The following CD109 variants were observed in gnomAD, a reference collection of about 807,000 sequenced individuals.
The protein encoded by CD109 is CD109 antigen.
In CD109, 149 loss-of-function variants were observed where a neutral mutation model predicts 165.8. The observed-to-expected ratio is 0.90, with a 90% CI of 0.79 to 1.03. CD109 has a LOEUF of 1.03. Among genes scored for constraint, CD109 ranks in the 50% least tolerant of loss-of-function variants. CD109 has a pLI of 0.00. For missense variants in CD109, 1,712 were observed against 1,677.8 expected, an observed-to-expected ratio of 1.02 and a Z score of -0.36; for synonymous variants, 585 against 592.1, an observed-to-expected ratio of 0.99 and a Z score of 0.18.
rs544087027 is a variant in CD109 at position 73,761,641 on chromosome 6, C to G, written c.759-743C>G. Among the ~76,000 whole-genome samples the G allele has an allele frequency of 3.9e-5, 6 of 152,180 alleles. No homozygotes were observed. In the South Asian group the frequency reaches 1.2e-3, roughly 32 times the overall value. On this transcript the variant is annotated intron_variant, in intron 7 of 32. Transcript: ENST00000287097. ...GGGTTCAAACAGTTCTCTGCCTCAG[C>G]CTCCAAGTAGCTGGGATTACAGGCA...
chr6:73,755,640 T>C (rs1773361329), intron 5 of CD109, among the ~76,000 whole-genome samples: 2 of 152,172 alleles, frequency 1.3e-5, no homozygotes, highest in Admixed American at 1.3e-4. Context: ...TTTAATGTGC[T>C]ACCTTGATTT....
intron 4 of CD109, among the ~76,000 whole-genome samples, chr6:73,730,911 G>A (rs1172088451): frequency 3.3e-5 from 5 of 152,034 alleles, no homozygotes; most frequent in Admixed American, 2.0e-4. Flanking sequence ...TTTTTCAGTG[G>A]GTAGTAGGAG....
At chr6:73,738,100 AG>A (rs972161914) in intron 5 of CD109, among the ~76,000 whole-genome samples, 1 of 152,232 alleles carries the variant, frequency 6.6e-6, no homozygotes, top group African/African-American at 2.4e-5. Context: ...AAATGACATA[AG>A]GGGGACAGAC....
chr6:73,753,707 C>G (rs545544984), intron 5 of CD109, among the ~76,000 whole-genome samples: 30 of 152,266 alleles, frequency 2.0e-4, no homozygotes, highest in Non-Finnish European at 2.2e-4. Context: ...TGCATTCACT[C>G]CTTGGGGCAT....
chr6:73,818,816 A>G (rs1776023438), intron 31 of CD109, among the ~76,000 whole-genome samples: 1 of 152,150 alleles, frequency 6.6e-6, no homozygotes, highest in South Asian at 2.1e-4. Context: ...CCATAGTATA[A>G]TTAAAAAAAT....
chr6:73,819,363 G>T (rs1049155005), intron 31 of CD109, among the ~76,000 whole-genome samples: 1 of 152,186 alleles, frequency 6.6e-6, no homozygotes, highest in Non-Finnish European at 1.5e-5. Flanking sequence ...TGTAGGGAAA[G>T]GTAAGTGAAG....
chr6:73,768,425 T>TGA (rs1334957046), intron 14 of CD109, among the ~76,000 whole-genome samples, 194 bp downstream of exon 14: 1 of 152,220 alleles, frequency 6.6e-6, no homozygotes, highest in Admixed American at 6.5e-5. Context: ...TATTGGGGAT[T>TGA]GATAGTCTAT....
chr6:73,699,847 A>C (rs1204408806), intron 2 of CD109, among the ~76,000 whole-genome samples: 1 of 152,212 alleles, frequency 6.6e-6, no homozygotes, highest in Admixed American at 6.5e-5. Context: ...CTGTATTATC[A>C]GAGGCTGGGA....
chr6:73,683,697 A>C, the CD109 span, among the ~76,000 whole-genome samples: 1 of 152,184 alleles, frequency 6.6e-6, no homozygotes, highest in Admixed American at 6.6e-5. Context: ...TTTACAAAAG[A>C]AAGAGGTTTA....
At chr6:73,785,583 T>G in intron 20 of CD109, 106 bp downstream of exon 20, 1 of 589,736 alleles carries the variant, frequency 1.7e-6, no homozygotes, top group East Asian at 3.1e-5. Context: ...TTCTAAGCAC[T>G]TTATACATTT....
chr6:73,740,071 G>A (rs1465566301), intron 5 of CD109, among the ~76,000 whole-genome samples: 1 of 152,148 alleles, frequency 6.6e-6, no homozygotes, highest in Admixed American at 6.5e-5. Flanking sequence ...TAGAGACAGG[G>A]TCTTGTTATG....
chr6:73,758,610 CT>C (rs1773491069), intron 6 of CD109, among the ~76,000 whole-genome samples: 1 of 152,112 alleles, frequency 6.6e-6, no homozygotes, highest in Admixed American at 6.6e-5. Flanking sequence ...TCTTGAACTC[CT>C]GACCTCAGGT....
intron 29 of CD109, 38 bp downstream of exon 29, chr6:73,812,308 C>G: frequency 2.3e-6 from 3 of 1,294,300 alleles, no homozygotes; most frequent in Non-Finnish European, 3.3e-6. Context: ...TTAAATATGA[C>G]TTTTTATAAT....
chr6:73,748,165 C>T (rs1302073112), intron 5 of CD109, among the ~76,000 whole-genome samples: 1 of 152,048 alleles, frequency 6.6e-6, no homozygotes, highest in Non-Finnish European at 1.5e-5. Flanking sequence ...CTATTTCCAC[C>T]TCTCCCTCCT....
intron 4 of CD109, among the ~76,000 whole-genome samples, chr6:73,733,241 C>A (rs563957239): frequency 6.6e-6 from 1 of 152,302 alleles, no homozygotes; most frequent in South Asian, 2.1e-4. Context: ...CTGACTGAGA[C>A]AGTTGTACTC....
chr6:73,802,679 T>G (rs1168639160), intron 23 of CD109, among the ~76,000 whole-genome samples: 1 of 151,596 alleles, frequency 6.6e-6, no homozygotes, highest in Non-Finnish European at 1.5e-5. Flanking sequence ...TTTACTTTAA[T>G]TTGGGATATC....
At position 73,808,137 on chromosome 6, in the gene CD109, G is replaced by A. The variant is rs1303470251; in HGVS notation, c.3244G>A (p.Gly1082Arg). Reference protein sequence around the residue: ...IHFLESEFSRGISDNYTLALI... With the variant: ...IHFLESEFSRRISDNYTLALI... Reference sequence around the variant, plus strand: ...TTTTTTGGAGTCTGAATTCAGTAGAGGAATTTCAGACAATTATACTCTAGC... The same window carrying A: ...TTTTTTGGAGTCTGAATTCAGTAGAAGAATTTCAGACAATTATACTCTAGC... Residue 1082 changes from glycine to arginine, a missense_variant, in exon 26 of 33, where the codon GGA (glycine) becomes AGA (arginine). Gly to Arg is a moderately radical substitution (Grantham distance 125). Transcript: ENST00000287097. 6.2e-7 allele frequency: 1 copy of A among 1,613,276 alleles called. No individual in the cohort carries two copies. The highest frequency in any genetic ancestry group is 1.1e-5 in the South Asian group (1 of 91,032).
rs1356462053 is a variant in CD109 at position 73,759,038 on chromosome 6, A to T, written c.758+10A>T. 2 of 1,536,796 alleles carry T rather than the reference A, an allele frequency of 1.3e-6. 1 individual carries two copies. The highest frequency in any genetic ancestry group is 2.3e-5 in the South Asian group (2 of 88,564). ...GTACCATCACGGCAAAGTAAGTGTC[A>T]TTTTTCTTTTGATATGACTCAAAAC... On this transcript the variant is annotated intron_variant, in intron 7 of 32. Transcript: ENST00000287097.
intron 23 of CD109, among the ~76,000 whole-genome samples, chr6:73,801,430 ATAATC>A (rs1361080283): frequency 1.3e-5 from 2 of 152,276 alleles, no homozygotes; most frequent in African/African-American, 4.8e-5. Context: ...ACATAAAGGT[ATAATC>A]TAATGTTCCC....
Sources: gnomAD v4.1 joint callset for allele counts (sites outside exome capture counted in the v4.1 genomes callset) on GRCh38, gnomAD v4.1.1 for gene constraint, MANE v1.5 for transcripts, NCBI Gene and HGNC (gene_info 2026-07-23, HGNC 2026-07-21) for gene names.